CCSER1: variants seen among roughly 807,000 people sequenced by gnomAD.
CCSER1 encodes coiled-coil serine rich protein 1.
A neutral mutation model predicts 82.0 loss-of-function variants in CCSER1; 41 were observed. That is an observed-to-expected ratio of 0.50 (90% CI 0.39 to 0.65). CCSER1 has a LOEUF of 0.65. CCSER1 is among the 30% of genes least tolerant of loss of function. The pLI is 0.00. For missense variants in CCSER1, 1,119 were observed against 1,064.2 expected (o/e 1.05, Z -0.72); for synonymous variants, 414 against 383.9 (o/e 1.08, Z -0.92).
intron 6 of CCSER1, among the ~76,000 whole-genome samples, chr4:90,661,336 C>A (rs182419718): frequency 1.3e-5 from 2 of 152,238 alleles, no homozygotes; most frequent in Admixed American, 1.3e-4. Context: ...CCAGTTTGAA[C>A]AGAGATTGCA....
intron 10 of CCSER1, among the ~76,000 whole-genome samples, chr4:91,503,203 G>A (rs1560721604): frequency 1.3e-5 from 2 of 151,792 alleles, no homozygotes; most frequent in Non-Finnish European, 2.9e-5. Flanking sequence ...TAAGCTGGGC[G>A]TGGTGGCGGG....
At chr4:90,961,570 T>G (rs1190001775) in intron 9 of CCSER1, among the ~76,000 whole-genome samples, 1 of 152,132 alleles carries the variant, frequency 6.6e-6, no homozygotes, top group Admixed American at 6.6e-5. Flanking sequence ...TAAAGTTTCA[T>G]TCATAAAGTA....
Position 90,616,441 on chromosome 4 carries a change from A to G in CCSER1, c.1725-11584A>G, listed in dbSNP as rs1005873376. Among the ~76,000 whole-genome samples, 5 of 152,122 alleles carry G rather than the reference A, an allele frequency of 3.3e-5. No individual in the cohort carries two copies. The East Asian group carries it at 5.8e-4, about 18-fold the overall frequency. On this transcript the variant is annotated intron_variant, in intron 5 of 10. Coordinates refer to ENST00000509176, the MANE Select transcript of CCSER1 (RefSeq NM_001145065.2). ...CACACCTGTAATCCTAGCACTTTGA[A>G]AGGCCAAGGTGGGAGGATCACTTGA...
rs779133564 is a variant in CCSER1 at position 91,602,345 on chromosome 4, A to G, written c.*3288A>G. On this transcript the variant is annotated 3_prime_UTR_variant, in exon 11 of 11. Transcript: ENST00000509176. ...TTTCTTTGTCTTGTTTAATAGAGAT[A>G]ATAACCATACACCCCTCTCCAGAAA... 6.6e-6 allele frequency among the ~76,000 whole-genome samples: 1 copy of G among 151,996 alleles called. No homozygotes were observed. Among genetic ancestry groups the G allele is most frequent in the African/African-American group, 2.4e-5 (1 of 41,430 alleles).
At chr4:91,395,978 T>TGGCTCCTGCCATGATGCCTGCCC (rs1751954627) in intron 10 of CCSER1, among the ~76,000 whole-genome samples, 1 of 152,122 alleles carries the variant, frequency 6.6e-6, no homozygotes, top group Non-Finnish European at 1.5e-5. Context: ...TATGTTTGCC[T>TGGCTCCTGCCATGATGCCTGCCC]GGCTCCTGCC....
chr4:91,152,461 C>A (rs148995484), intron 10 of CCSER1, among the ~76,000 whole-genome samples: 11 of 152,102 alleles, frequency 7.2e-5, no homozygotes, highest in Non-Finnish European at 1.6e-4. Flanking sequence ...TTATGTTTAT[C>A]TTTATCTTTC....
In CCSER1 at chr4:91,357,876, G is replaced by GCCC. The variant is rs71596562; in HGVS notation, c.2218-240687_2218-240685dup. On this transcript the variant is annotated intron_variant, in intron 10 of 10. Coordinates refer to ENST00000509176, the MANE Select transcript of CCSER1 (RefSeq NM_001145065.2). ...CACTCTTTTTACCTAAATTCTGCCT[G>GCCC]CCCCCCCCCCCTTTTTTTTTTTTTT... Among the ~76,000 whole-genome samples the GCCC allele has an allele frequency of 2.0e-3, 119 of 60,068 alleles. 4 individuals carry two copies. The highest frequency in any genetic ancestry group is 3.7e-3 in the Non-Finnish European group (98 of 26,726). The allele number at this position is 60,068 out of a possible 152,430, so 39.4% of individuals were successfully genotyped here. A position where few individuals can be genotyped will look rare whatever the true frequency, so the allele number is the denominator to read the frequency against.
intron 6 of CCSER1, among the ~76,000 whole-genome samples, chr4:90,637,696 A>C (rs894099877): frequency 6.6e-6 from 1 of 152,180 alleles, no homozygotes; most frequent in African/African-American, 2.4e-5. Flanking sequence ...TTTAACCTGT[A>C]AACTAATACA....
chr4:91,590,007 C>G (rs1764191554), intron 10 of CCSER1, among the ~76,000 whole-genome samples: 2 of 151,970 alleles, frequency 1.3e-5, no homozygotes, highest in Non-Finnish European at 2.9e-5. Flanking sequence ...ATAAACAGAA[C>G]AGTCAAAACA....
At chr4:90,176,905 A>T (rs1374954968) in intron 1 of CCSER1, among the ~76,000 whole-genome samples, 1 of 152,074 alleles carries the variant, frequency 6.6e-6, no homozygotes, top group Non-Finnish European at 1.5e-5. Context: ...GTTGCAAGTC[A>T]TATTCCCCTA....
intron 7 of CCSER1, among the ~76,000 whole-genome samples, chr4:90,761,331 C>G (rs1750382822): frequency 6.6e-6 from 1 of 152,128 alleles, no homozygotes; most frequent in Admixed American, 6.6e-5. Flanking sequence ...TTCATCTGAT[C>G]ACACTGCTTG....
intron 8 of CCSER1, among the ~76,000 whole-genome samples, chr4:90,914,721 A>AAG (rs1364745249): frequency 6.6e-6 from 1 of 151,660 alleles, no homozygotes; most frequent in Non-Finnish European, 1.5e-5. Context: ...TATTGAAAAA[A>AAG]AAAAAAAACT....
intron 3 of CCSER1, among the ~76,000 whole-genome samples, chr4:90,313,346 G>A (rs1201250031): frequency 6.6e-6 from 1 of 152,098 alleles, no homozygotes; most frequent in East Asian, 1.9e-4. Flanking sequence ...TGAACATGAG[G>A]CTCCCCTTTG....
chr4:90,469,521 CAA>C (rs951576713), intron 5 of CCSER1, among the ~76,000 whole-genome samples: 1 of 110,732 alleles, frequency 9.0e-6, no homozygotes, highest in African/African-American at 4.7e-5. Context: ...TGTTTTCCTG[CAA>C]AACACACACA....
intron 7 of CCSER1, among the ~76,000 whole-genome samples, chr4:90,734,712 A>AT (rs372004250): frequency 1.3e-5 from 2 of 152,078 alleles, no homozygotes; most frequent in African/African-American, 4.8e-5. Flanking sequence ...AATTCTAATA[A>AT]TTTTTTTGGT....
At chr4:90,191,596 C>T (rs1215403680) in intron 1 of CCSER1, among the ~76,000 whole-genome samples, 2 of 151,980 alleles carry the variant, frequency 1.3e-5, no homozygotes, top group East Asian at 1.9e-4. Context: ...TGCAGGGGTC[C>T]CTGCAGCATC....
At chr4:90,879,621 GGA>G (rs1720969775) in intron 8 of CCSER1, among the ~76,000 whole-genome samples, 1 of 148,860 alleles carries the variant, frequency 6.7e-6, no homozygotes, top group Non-Finnish European at 1.5e-5. Context: ...AGGAGGAGGA[GGA>G]GGAGGAAAGA....
At chr4:91,125,410 AT>A (rs1465884075) in intron 10 of CCSER1, among the ~76,000 whole-genome samples, 1 of 151,720 alleles carries the variant, frequency 6.6e-6, no homozygotes, top group African/African-American at 2.4e-5. Context: ...GAATAGTAAA[AT>A]TTATCCCTCA....
Position 91,374,506 on chromosome 4 carries a change from C to T in CCSER1, c.2218-224066C>T, listed in dbSNP as rs180761126. ...CAACAAAGATACTGAATGTTTTAAG[C>T]CCATTGTTGAGACCTAGTGCACAGC... On this transcript the variant is annotated intron_variant, in intron 10 of 10. Coordinates refer to ENST00000509176, the MANE Select transcript of CCSER1 (RefSeq NM_001145065.2). Among the ~76,000 whole-genome samples the T allele has an allele frequency of 3.8e-3, 580 of 152,232 alleles. 1 individual carries two copies. The highest frequency in any genetic ancestry group is 6.8e-3 in the Middle Eastern group (2 of 294).
Sources: allele counts gnomAD v4.1 joint callset (sites outside exome capture counted in the v4.1 genomes callset), GRCh38; gene constraint gnomAD v4.1.1; transcripts MANE v1.5; gene names NCBI Gene and HGNC (gene_info 2026-07-23, HGNC 2026-07-21).